Variants in KCNK2 observed in about 807,000 individuals in gnomAD.
KCNK2 encodes potassium channel subfamily K member 2.
A neutral mutation model predicts 40.5 loss-of-function variants in KCNK2; 21 were observed. The ratio of observed to expected loss-of-function variants is 0.52; its 90% confidence interval spans 0.37 to 0.75. The LOEUF (loss-of-function observed/expected upper bound fraction) is 0.75, where lower values mean the gene tolerates loss of function less well. Among genes scored for constraint, KCNK2 ranks in the 30% least tolerant of loss-of-function variants. The pLI, the probability that KCNK2 is intolerant of heterozygous loss-of-function variation, is 0.00. For missense variants in KCNK2, 399 were observed against 531.6 expected (o/e 0.75, Z 2.45); for synonymous variants, 191 against 202.2 (o/e 0.94, Z 0.47).
chr1:215,011,662 G>T (rs1348570763), intron 1 of KCNK2, among the ~76,000 whole-genome samples: 1 of 150,168 alleles, frequency 6.7e-6, no homozygotes, highest in Non-Finnish European at 1.5e-5. Context: ...CTGGAGTGCA[G>T]TGGCACCATC....
rs190001773 is a variant in KCNK2 at position 215,176,268 on chromosome 1, T to C, written c.823+4085T>C. On this transcript the variant is annotated intron_variant, in intron 5 of 6. Transcript: ENST00000444842. ...TAGTGATGTGGGGCATTTTTTTATATGTTTGTTAGAAACTTGTGTGTCTTC... is the reference window on the plus strand; with the variant it reads ...TAGTGATGTGGGGCATTTTTTTATACGTTTGTTAGAAACTTGTGTGTCTTC... Among the ~76,000 whole-genome samples, 433 of 152,306 alleles carry C rather than the reference T, an allele frequency of 2.8e-3. 1 individual carries two copies. The highest frequency in any genetic ancestry group is 4.7e-3 in the Non-Finnish European group (320 of 68,020).
Position 215,113,115 on chromosome 1 carries a change from CAT to C in KCNK2, c.358-11514_358-11513del, listed in dbSNP as rs1340988043. Among the ~76,000 whole-genome samples the C allele has an allele frequency of 2.6e-5, 4 of 152,234 alleles. No homozygotes were observed. The East Asian group carries it at 5.8e-4, about 22-fold the overall frequency. ...ACACATAGGCCATATGCGACATAAA[CAT>C]ATAAGACAAGGCCTGATGACTATTT... On this transcript the variant is annotated intron_variant, in intron 2 of 6. Coordinates refer to ENST00000444842, the MANE Select transcript of KCNK2 (RefSeq NM_001017425.3).
chr1:215,064,890 T>C (rs1658484889), intron 1 of KCNK2, among the ~76,000 whole-genome samples: 1 of 152,220 alleles, frequency 6.6e-6, no homozygotes, highest in Non-Finnish European at 1.5e-5. Flanking sequence ...CTTGCCCTTA[T>C]ATGCCCTCTT....
chr1:215,007,227 A>ATATATATATATG (rs1337347831), intron 1 of KCNK2, among the ~76,000 whole-genome samples: 1 of 95,768 alleles, frequency 1.0e-5, no homozygotes, highest in Non-Finnish European at 2.1e-5. Context: ...ATATATATAT[A>ATATATATATATG]GGCTCATTTC....
At position 215,026,397 on chromosome 1, in the gene KCNK2, ATAT is replaced by A. The variant is rs577795100; in HGVS notation, c.34+20447_34+20449del. ...GAAATCCTAGTAAAACAGTAATATCATATTATTTTTAACACTTTAATCCATTGA... is the reference window on the plus strand; with the variant it reads ...GAAATCCTAGTAAAACAGTAATATCATATTTTTAACACTTTAATCCATTGA... On this transcript the variant is annotated intron_variant, in intron 1 of 6. Coordinates refer to the KCNK2 transcript ENST00000391895. 3.9e-3 allele frequency among the ~76,000 whole-genome samples: 597 copies of A among 152,162 alleles called. 2 individuals carry two copies. Among genetic ancestry groups the A allele is most frequent in the Admixed American group, 6.5e-3 (100 of 15,280 alleles).
intron 1 of KCNK2, among the ~76,000 whole-genome samples, chr1:215,065,514 C>A (rs190528900): frequency 4.4e-4 from 67 of 152,218 alleles, no homozygotes; most frequent in Middle Eastern, 6.8e-3. Context: ...CTTTCCTTAG[C>A]CCTGATGTCT....
chr1:215,050,998 G>C (rs1657967072), intron 1 of KCNK2, among the ~76,000 whole-genome samples: 1 of 152,160 alleles, frequency 6.6e-6, no homozygotes, highest in Non-Finnish European at 1.5e-5. Context: ...AGGAAGTGTG[G>C]TTTTGATCTT....
chr1:215,014,477 G>A (rs1241044752), intron 1 of KCNK2, among the ~76,000 whole-genome samples: 1 of 151,744 alleles, frequency 6.6e-6, no homozygotes, highest in East Asian at 2.0e-4. Context: ...TGGTATTGTA[G>A]TGTTATATTT....
chr1:215,144,525 A>G (rs1169330445), intron 3 of KCNK2, among the ~76,000 whole-genome samples: 2 of 152,112 alleles, frequency 1.3e-5, no homozygotes, highest in Non-Finnish European at 2.9e-5. Context: ...CCCTTATTTC[A>G]AGTAAAATTA....
intron 2 of KCNK2, among the ~76,000 whole-genome samples, chr1:215,112,295 G>C (rs1251787878): frequency 6.6e-6 from 1 of 151,354 alleles, no homozygotes; most frequent in Admixed American, 6.6e-5. Context: ...GCAGGCCTAG[G>C]ATGATTTGTT....
chr1:215,177,368 A>G (rs927296555), intron 5 of KCNK2, among the ~76,000 whole-genome samples: 2 of 151,980 alleles, frequency 1.3e-5, no homozygotes, highest in Non-Finnish European at 2.9e-5. Flanking sequence ...ATTAGGTCCT[A>G]TTTGTCAATT....
At chr1:215,019,612 A>T (rs1656718775) in intron 1 of KCNK2, among the ~76,000 whole-genome samples, 1 of 152,226 alleles carries the variant, frequency 6.6e-6, no homozygotes, top group Admixed American at 6.5e-5. Flanking sequence ...TTTGGAATAC[A>T]TTTTAATTCA....
chr1:215,100,979 T>C (rs1332942794), intron 2 of KCNK2, among the ~76,000 whole-genome samples: 1 of 152,074 alleles, frequency 6.6e-6, no homozygotes, highest in African/African-American at 2.4e-5. Context: ...GAAACATTTT[T>C]GCATTTATCT....
chr1:215,062,610 G>C (rs925110335), intron 1 of KCNK2, among the ~76,000 whole-genome samples: 2 of 150,666 alleles, frequency 1.3e-5, no homozygotes, highest in African/African-American at 4.9e-5. Flanking sequence ...CAGGTGTAGA[G>C]TTCTTGTTTT....
At chr1:215,106,577 G>T (rs2102557187) in intron 2 of KCNK2, among the ~76,000 whole-genome samples, 1 of 152,152 alleles carries the variant, frequency 6.6e-6, no homozygotes, top group Non-Finnish European at 1.5e-5. Context: ...CTGGGCAGAA[G>T]CTCTTTAGTT....
Position 215,097,907 on chromosome 1 carries a change from C to T in KCNK2, c.357+11229C>T, listed in dbSNP as rs527548762. Among the ~76,000 whole-genome samples the T allele has an allele frequency of 2.6e-5, 4 of 152,046 alleles. No homozygotes were observed. In the East Asian group the frequency reaches 7.7e-4, roughly 29 times the overall value. Reference sequence around the variant, plus strand: ...CTGGGATCTGCTCTGAACTCATAGGCATGGTTGATGGTCTCCTTCACACCT... The same window carrying T: ...CTGGGATCTGCTCTGAACTCATAGGTATGGTTGATGGTCTCCTTCACACCT... On this transcript the variant is annotated intron_variant, in intron 2 of 6. Transcript: ENST00000444842.
At chr1:215,191,400 G>A (rs185664221) in intron 5 of KCNK2, among the ~76,000 whole-genome samples, 150 of 152,208 alleles carry the variant, frequency 9.9e-4, no homozygotes, top group African/African-American at 3.5e-3. Flanking sequence ...ATGCTGGGTA[G>A]AGGGACTGTT....
At chr1:215,174,733 A>G (rs985360216) in intron 5 of KCNK2, among the ~76,000 whole-genome samples, 1 of 152,124 alleles carries the variant, frequency 6.6e-6, no homozygotes, top group Non-Finnish European at 1.5e-5. Context: ...CTTTGAAGCA[A>G]TTGTGAATGG....
chr1:215,059,415 G>A (rs934627752), intron 1 of KCNK2, among the ~76,000 whole-genome samples: 1 of 143,908 alleles, frequency 6.9e-6, no homozygotes, highest in Non-Finnish European at 1.6e-5. Flanking sequence ...AAAGCCTTCC[G>A]AGTGCTCCCT....
Sources: gnomAD v4.1 joint callset for allele counts (sites outside exome capture counted in the v4.1 genomes callset) on GRCh38, gnomAD v4.1.1 for gene constraint, MANE v1.5 for transcripts, NCBI Gene and HGNC (gene_info 2026-07-23, HGNC 2026-07-21) for gene names.